The following ZFHX3 variants were observed in gnomAD, a reference collection of about 807,000 sequenced individuals.
ZFHX3 encodes the protein zinc finger homeobox 3.
Under a neutral mutation model 279.1 loss-of-function variants are expected in ZFHX3, and 42 were observed. The observed-to-expected ratio is 0.15, with a 90% confidence interval of 0.12 to 0.19. The LOEUF (loss-of-function observed/expected upper bound fraction) is 0.19, where lower values mean the gene tolerates loss of function less well. Among genes scored for constraint, ZFHX3 ranks in the 10% least tolerant of loss-of-function variants. ZFHX3 has a pLI of 1.00. For missense variants in ZFHX3, 4,981 were observed against 4,754.0 expected (o/e 1.05, Z -1.40); for synonymous variants, 2,293 against 1,957.8 (o/e 1.17, Z -4.52).
At position 73,788,601 on chromosome 16, in the gene ZFHX3, C is replaced by G. The variant is rs146625740; in HGVS notation, c.-1608+103050G>C. 3.4e-3 allele frequency among the ~76,000 whole-genome samples: 519 copies of G among 152,186 alleles called. 2 individuals carry two copies. The highest frequency in any genetic ancestry group is 0.012 in the African/African-American group (501 of 41,492). On this transcript the variant is annotated intron_variant, in intron 1 of 17. Coordinates refer to the ZFHX3 transcript ENST00000641206. ...AGGTTATGCTTTTTAGTATCCCCAG[C>G]CCAGTGCTTAGCACGCAGACAACTA...
intron 1 of ZFHX3, among the ~76,000 whole-genome samples, chr16:73,885,541 T>C (rs1007004418): frequency 6.6e-6 from 1 of 152,126 alleles, no homozygotes; most frequent in Non-Finnish European, 1.5e-5. Flanking sequence ...ATGATCTACT[T>C]CTTTTTGTTT....
intron 5 of ZFHX3, 83 bp from the exon 6 acceptor site, chr16:72,812,121 T>G: frequency 1.3e-6 from 2 of 1,526,736 alleles, no homozygotes; most frequent in East Asian, 4.6e-5. Context: ...AAATCAACAT[T>G]CATTTATAGC....
At chr16:73,795,210 G>C (rs1303281832) in intron 1 of ZFHX3, among the ~76,000 whole-genome samples, 1 of 152,236 alleles carries the variant, frequency 6.6e-6, no homozygotes, top group Admixed American at 6.5e-5. Context: ...ATCTGGCTCT[G>C]ATACATATGC....
intron 2 of ZFHX3, among the ~76,000 whole-genome samples, chr16:73,468,406 T>C (rs1404215525): frequency 6.6e-6 from 1 of 152,162 alleles, no homozygotes; most frequent in Non-Finnish European, 1.5e-5. Context: ...GAGGCTGGAA[T>C]ATGTAGTCCT....
chr16:72,996,852 A>C (rs1012707902), intron 1 of ZFHX3, among the ~76,000 whole-genome samples: 2 of 152,236 alleles, frequency 1.3e-5, no homozygotes, highest in African/African-American at 2.4e-5. Context: ...AAGAAAAGAC[A>C]AACTTAAAAG....
chr16:72,975,181 C>T (rs1003415948), intron 1 of ZFHX3, among the ~76,000 whole-genome samples: 3 of 152,138 alleles, frequency 2.0e-5, no homozygotes, highest in African/African-American at 7.2e-5. Context: ...GTGGCTCATA[C>T]CTGTAATCCC....
intron 5 of ZFHX3, among the ~76,000 whole-genome samples, chr16:72,826,292 A>G (rs1206707096): frequency 6.6e-6 from 1 of 152,138 alleles, no homozygotes; most frequent in Non-Finnish European, 1.5e-5. Flanking sequence ...TCCTGCACAA[A>G]CCCCAAAACT....
rs770124724 is a variant in ZFHX3 at position 72,800,119 on chromosome 16, G to C, written c.3875C>G (p.Pro1292Arg). The change falls in exon 8 of 10, where the codon CCT becomes CGT. Residue 1292 changes from proline (P) to arginine (R), a missense_variant. Physicochemically the swap from Pro to Arg is moderately radical, Grantham distance 103 (BLOSUM62 -2). Coordinates refer to ENST00000268489, the MANE Select transcript of ZFHX3 (RefSeq NM_006885.4). The part of the protein sequence containing the change: ...VEKLIMTVTT[P>R]EMVMPSSMFL... ...CATGCTGCTTGGCATCACCATCTCA[G>C]GGGTGGTCACCTGAGGAGCAAGAGC... 6.2e-7 allele frequency: 1 copy of C among 1,614,134 alleles called. No homozygotes were observed. The highest frequency in any genetic ancestry group is 1.1e-5 in the South Asian group (1 of 91,074).
At chr16:73,707,268 G>C (rs553869936) in intron 1 of ZFHX3, among the ~76,000 whole-genome samples, 1 of 152,268 alleles carries the variant, frequency 6.6e-6, no homozygotes, top group East Asian at 1.9e-4. Context: ...TCTACCCATA[G>C]TCTGAGGGAA....
chr16:73,463,885 A>G (rs2018515344), intron 2 of ZFHX3, among the ~76,000 whole-genome samples: 1 of 152,218 alleles, frequency 6.6e-6, no homozygotes. Context: ...TGACTCTGAG[A>G]AATTACCTTT....
At chr16:73,313,822 CTT>C (rs2015383601) in intron 4 of ZFHX3, among the ~76,000 whole-genome samples, 1 of 152,190 alleles carries the variant, frequency 6.6e-6, no homozygotes, top group African/African-American at 2.4e-5. Flanking sequence ...AATTGGTAAA[CTT>C]CAGTCAGCCA....
chr16:73,776,499 C>T (rs942881998), intron 1 of ZFHX3, among the ~76,000 whole-genome samples: 1 of 152,098 alleles, frequency 6.6e-6, no homozygotes, highest in Admixed American at 6.6e-5. Context: ...CTATCGACGA[C>T]AGGGAGTAGC....
intron 1 of ZFHX3, among the ~76,000 whole-genome samples, chr16:73,044,193 T>C (rs758729753): frequency 2.6e-5 from 4 of 152,160 alleles, no homozygotes; most frequent in Non-Finnish European, 4.4e-5. Flanking sequence ...AGCTGTGCTG[T>C]GATTTCTAAT....
intron 2 of ZFHX3, among the ~76,000 whole-genome samples, chr16:73,614,313 T>C (rs9922839): frequency 0.28 from 42,171 of 152,094 alleles, 7,038 homozygotes; most frequent in African/African-American, 0.47. Flanking sequence ...GCATGTGATA[T>C]GGAAACAGCT....
At chr16:72,810,782 A>C (rs79322625) in intron 7 of ZFHX3, among the ~76,000 whole-genome samples, 2 of 152,170 alleles carry the variant, frequency 1.3e-5, no homozygotes, top group African/African-American at 4.8e-5. Flanking sequence ...TGCGGGTTCA[A>C]ATCTCAACTC....
chr16:73,011,846 G>A (rs1040961979), intron 1 of ZFHX3, among the ~76,000 whole-genome samples: 12 of 151,424 alleles, frequency 7.9e-5, no homozygotes, highest in Non-Finnish European at 1.5e-4. Context: ...AACTCAATTC[G>A]GTGGGATACC....
intron 2 of ZFHX3, among the ~76,000 whole-genome samples, chr16:73,485,106 A>T (rs1597354050): frequency 2.0e-5 from 3 of 152,306 alleles, no homozygotes; most frequent in Admixed American, 6.5e-5. Context: ...AAATTAACAA[A>T]AATAGGAGGA....
chr16:73,167,382 A>T (rs766295858), intron 5 of ZFHX3, among the ~76,000 whole-genome samples: 1 of 152,244 alleles, frequency 6.6e-6, no homozygotes, highest in Non-Finnish European at 1.5e-5. Flanking sequence ...GACTTTTGGC[A>T]TAAAATAACA....
At chr16:72,954,961 C>A (rs1961179228) in intron 2 of ZFHX3, among the ~76,000 whole-genome samples, 1 of 152,168 alleles carries the variant, frequency 6.6e-6, no homozygotes, top group African/African-American at 2.4e-5. Context: ...CACCTACAGC[C>A]ATCTTATAAA....
Sources: allele counts gnomAD v4.1 joint callset (sites outside exome capture counted in the v4.1 genomes callset), GRCh38; gene constraint gnomAD v4.1.1; transcripts MANE v1.5; gene names NCBI Gene and HGNC (gene_info 2026-07-23, HGNC 2026-07-21).